CPA4: variants seen among roughly 807,000 people sequenced by gnomAD.
The protein encoded by CPA4 is carboxypeptidase A3.
CPA4 carries 49 observed loss-of-function variants against 54.7 expected under a neutral mutation model. The observed-to-expected ratio is 0.90, with a 90% CI of 0.71 to 1.14. CPA4 has a LOEUF of 1.14. Ranked by LOEUF, CPA4 falls within the 50% of genes most tolerant of loss-of-function variation. CPA4 has a pLI of 0.00. For synonymous variants in CPA4, 215 were observed against 206.8 expected (o/e 1.04, Z -0.34); for missense variants, 487 against 525.1 (o/e 0.93, Z 0.71).
At chr7:130,317,153 GA>G (rs1479265259) in intron 10 of CPA4, among the ~76,000 whole-genome samples, 5 of 152,148 alleles carry the variant, frequency 3.3e-5, no homozygotes, top group Non-Finnish European at 7.4e-5. Flanking sequence ...CCAAAGTGTT[GA>G]GATGACAGGC....
intron 2 of CPA4, 112 bp from the exon 3 acceptor site, chr7:130,299,158 G>A (rs1793700688): frequency 8.5e-7 from 1 of 1,182,956 alleles, no homozygotes; most frequent in Non-Finnish European, 1.2e-6. Context: ...CTTGGGCAGA[G>A]CCTAGCCTCT....
rs377703859 is a variant in CPA4 at position 130,298,782 on chromosome 7, C to T, written c.105C>T (p.Asp35=). 4.7e-5 allele frequency: 76 copies of T among 1,612,170 alleles called. No individual in the cohort carries two copies. Among genetic ancestry groups the T allele is most frequent in the Middle Eastern group, 1.6e-4 (1 of 6,080 alleles). The part of the protein sequence containing the change: ...QVLRINVRNG[D]EISKLSQLVN... ...TGAGGATTAATGTCAGAAATGGAGACGAGATCAGCAAATTGAGTCAACTAG... is the reference window on the plus strand; with the variant it reads ...TGAGGATTAATGTCAGAAATGGAGATGAGATCAGCAAATTGAGTCAACTAG... The change falls in exon 2 of 11, where the codon GAC becomes GAT. Residue 35 remains aspartate, a synonymous_variant. Coordinates refer to ENST00000222482, the MANE Select transcript of CPA4 (RefSeq NM_016352.4).
Position 130,311,002 on chromosome 7 carries a change from C to T in CPA4, c.993+16C>T. The T allele has an allele frequency of 6.2e-7, 1 of 1,610,888 alleles. No homozygotes were observed. Among genetic ancestry groups the T allele is most frequent in the Middle Eastern group, 2.0e-4 (1 of 5,114 alleles). ...CGAGGAACTCGTGAGTCACAGCTGC[C>T]TCCCACCCAGCCTGGGGCCCGCCTG... On this transcript the variant is annotated intron_variant, in intron 9 of 10. Transcript: ENST00000222482.
rs376557337 is a variant in CPA4 at position 130,305,830 on chromosome 7, A to T, written c.501A>T (p.Lys167Asn). ...PMYVLKFSTG[K>N]GVRRPAVWLN... ...CCCTTCTGCAGTTCAGCACTGGGAA[A>T]GGCGTGAGGCGGCCGGCCGTTTGGC... The change falls in exon 6 of 11, where the codon AAA becomes AAT. Residue 167 changes from lysine to asparagine, a missense_variant. Coordinates refer to ENST00000222482, the MANE Select transcript of CPA4 (RefSeq NM_016352.4). The T allele has an allele frequency of 6.2e-7, 1 of 1,614,136 alleles. No homozygotes were observed. The highest frequency in any genetic ancestry group is 1.7e-5 in the Admixed American group (1 of 60,030).
Position 130,310,703 on chromosome 7 carries a change from T to C in CPA4, c.794-84T>C. The C allele has an allele frequency of 7.6e-7, 1 of 1,309,418 alleles. No individual in the cohort carries two copies. The highest frequency in any genetic ancestry group is 1.1e-6 in the Non-Finnish European group (1 of 914,666). 81.1% of individuals were successfully genotyped at this position (1,309,418 alleles called of 1,614,324 possible). On this transcript the variant is annotated intron_variant, in intron 8 of 10. Transcript: ENST00000222482. This position sits in a 1 kb window ranked among gnomAD's most constrained non-coding sequence, Gnocchi z 4.3. ...CATGGCCTGCCCATTCCCAATACCT[T>C]CGGCCCCTCTCTAGGTGGAGCGTCT...
intron 2 of CPA4, among the ~76,000 whole-genome samples, 162 bp downstream of exon 2, chr7:130,298,989 G>C (rs764671989): frequency 6.6e-6 from 1 of 152,186 alleles, no homozygotes; most frequent in Non-Finnish European, 1.5e-5. Flanking sequence ...TGGGAGAGAG[G>C]GAGCACATCA....
At chr7:130,296,274 G>A (rs561131412) in intron 1 of CPA4, among the ~76,000 whole-genome samples, 16 of 152,268 alleles carry the variant, frequency 1.1e-4, no homozygotes, top group Admixed American at 6.5e-4. Flanking sequence ...GGCTTCACTC[G>A]GCACCCGCTC....
chr7:130,305,970 C>A, intron 6 of CPA4, 50 bp downstream of exon 6: 1 of 1,477,686 alleles, frequency 6.8e-7, no homozygotes, highest in Non-Finnish European at 9.5e-7. Flanking sequence ...CGGGGTGCCC[C>A]TGCAGCATGC....
At position 130,296,704 on chromosome 7, in the gene CPA4, T is replaced by TTTTTTTA. The variant is rs1793654253; in HGVS notation, c.69-2042_69-2041insTTTTTTA. On this transcript the variant is annotated intron_variant, in intron 1 of 10. Transcript: ENST00000222482. The stretch of plus-strand genomic sequence containing the variant: ...CTTTTTTTTTTTTTTTTTTTTTTTT[T>TTTTTTTA]GAGACAGGGTCTTGTTCTGTCAACC... Among the ~76,000 whole-genome samples the TTTTTTTA allele has an allele frequency of 2.7e-4, 31 of 116,404 alleles. 1 individual carries two copies. The highest frequency in any genetic ancestry group is 1.1e-3 in the South Asian group (4 of 3,566). 76.4% of individuals were successfully genotyped at this position (116,404 alleles called of 152,430 possible). A position where few individuals can be genotyped will look rare whatever the true frequency, so the allele number is the denominator to read the frequency against.
At chr7:130,311,566 A>T (rs1424932396) in intron 9 of CPA4, among the ~76,000 whole-genome samples, 2 of 147,158 alleles carry the variant, frequency 1.4e-5, no homozygotes, top group African/African-American at 5.1e-5. Flanking sequence ...CTACACAGGG[A>T]TCATCCACCT....
chr7:130,314,504 G>A lies in CPA4; in HGVS notation c.1078+2382G>A, dbSNP rs553915408. Among the ~76,000 whole-genome samples the A allele has an allele frequency of 9.8e-5, 15 of 152,346 alleles. No homozygotes were observed. The South Asian group carries it at 2.3e-3, about 23-fold the overall frequency. ...AAAAGGTCATGAAGGGTTGTAGGAAGAGCTGCGTAAGCTGAGGAAGACAGC... is the reference window on the plus strand; with the variant it reads ...AAAAGGTCATGAAGGGTTGTAGGAAAAGCTGCGTAAGCTGAGGAAGACAGC... On this transcript the variant is annotated intron_variant, in intron 10 of 10. Transcript: ENST00000222482.
intron 10 of CPA4, among the ~76,000 whole-genome samples, chr7:130,322,198 T>A (rs1794117497): frequency 6.6e-6 from 1 of 152,178 alleles, no homozygotes; most frequent in Non-Finnish European, 1.5e-5. Context: ...CTGCCTACTA[T>A]ACTCTCTATA....
intron 9 of CPA4, 98 bp from the exon 10 acceptor site, chr7:130,311,940 G>T: frequency 1.2e-6 from 1 of 866,774 alleles, no homozygotes; most frequent in South Asian, 1.4e-5. Flanking sequence ...AAATCGGGGG[G>T]GGCTGAGAAT....
At chr7:130,302,526 C>T (rs1793754912) in intron 4 of CPA4, among the ~76,000 whole-genome samples, 1 of 151,354 alleles carries the variant, frequency 6.6e-6, no homozygotes, top group Non-Finnish European at 1.5e-5. Flanking sequence ...TATTGGCTCA[C>T]GCAACCACTT....
At chr7:130,306,029 C>T (rs977172899) in intron 6 of CPA4, 109 bp downstream of exon 6, 4 of 862,460 alleles carry the variant, frequency 4.6e-6, no homozygotes, top group Non-Finnish European at 7.5e-6. Context: ...CTACTAAGAC[C>T]CAGTCGGCTG....
At chr7:130,295,627 C>T (rs998226495) in intron 1 of CPA4, among the ~76,000 whole-genome samples, 13 of 152,310 alleles carry the variant, frequency 8.5e-5, no homozygotes, top group Non-Finnish European at 1.2e-4. Context: ...GGCTGCCCTT[C>T]GCATTGCACC....
rs757900708 is a variant in CPA4, at chr7:130,293,161, A to ATGAC, written c.-14_-11dup. 2.0e-6 allele frequency: 3 copies of ATGAC among 1,519,816 alleles called. No individual in the cohort carries two copies. The African/African-American group carries it at 4.1e-5, about 21-fold the overall frequency. 94.1% of individuals were successfully genotyped at this position (1,519,816 alleles called of 1,614,324 possible). A position where few individuals can be genotyped will look rare whatever the true frequency, so the allele number is the denominator to read the frequency against. ...AAATACAGCTTGACTCAGCCACTGT[A>ATGAC]TGACTGACTCCCCGGGGACATGAGG... On this transcript the variant is annotated 5_prime_UTR_variant, in exon 1 of 11. An upstream open reading frame in the 5' UTR gains an earlier in-frame stop. Coordinates refer to ENST00000222482, the MANE Select transcript of CPA4 (RefSeq NM_016352.4).
At chr7:130,321,478 T>C (rs1254720048) in intron 10 of CPA4, among the ~76,000 whole-genome samples, 1 of 152,220 alleles carries the variant, frequency 6.6e-6, no homozygotes, top group East Asian at 1.9e-4. Flanking sequence ...TGGCTCAGGA[T>C]CCTTCATGAG....
chr7:130,309,136 G>A (rs529686692), intron 8 of CPA4, among the ~76,000 whole-genome samples: 7 of 152,334 alleles, frequency 4.6e-5, no homozygotes, highest in East Asian at 1.9e-4. Flanking sequence ...ATGAGCCATC[G>A]CATCCGGACT....
Sources: gnomAD v4.1 joint callset for allele counts (sites outside exome capture counted in the v4.1 genomes callset) on GRCh38, gnomAD v4.1.1 for gene constraint, Gnocchi (gnomAD v3.1) non-coding constraint, MANE v1.5 for transcripts, NCBI Gene and HGNC (gene_info 2026-07-23, HGNC 2026-07-21) for gene names.